Variants in TCF4 observed in about 807,000 individuals in gnomAD.
The protein encoded by TCF4 is transcription factor 4, also known as SL3-3 enhancer factor 2.
Under a neutral mutation model 82.1 loss-of-function variants are expected in TCF4, and 3 were observed. That is an observed-to-expected ratio of 0.04 (90% confidence interval 0.02 to 0.09). The LOEUF (loss-of-function observed/expected upper bound fraction) is 0.09. TCF4 is among the 10% of genes least tolerant of loss of function. The pLI is 1.00. For synonymous variants in TCF4, 276 were observed against 309.6 expected, an observed-to-expected ratio of 0.89 and a Z score of 1.14; for missense variants, 518 against 852.7, an observed-to-expected ratio of 0.61 and a Z score of 4.89.
At chr18:55,415,512 C>A (rs548381602) in intron 5 of TCF4, among the ~76,000 whole-genome samples, 2 of 152,336 alleles carry the variant, frequency 1.3e-5, no homozygotes, top group African/African-American at 4.8e-5. Flanking sequence ...AGGCACTCCC[C>A]AAACTTATTT....
At chr18:55,325,958 T>A (rs975581005) in intron 8 of TCF4, among the ~76,000 whole-genome samples, 1 of 152,190 alleles carries the variant, frequency 6.6e-6, no homozygotes, top group Non-Finnish European at 1.5e-5. Flanking sequence ...CACAGTACAG[T>A]GACACACAAT....
chr18:55,363,330 G>C (rs1454098438), intron 6 of TCF4, among the ~76,000 whole-genome samples: 1 of 152,016 alleles, frequency 6.6e-6, no homozygotes, highest in Non-Finnish European at 1.5e-5. Flanking sequence ...AGCATTTAAG[G>C]GGAAAAATTT....
At chr18:55,496,296 C>A (rs1417205558) in intron 3 of TCF4, 2 of 151,880 alleles carry the variant, frequency 1.3e-5, no homozygotes, top group Admixed American at 6.6e-5. Flanking sequence ...TGAAGCTTAT[C>A]TAAATTATAA....
rs144591561 is a variant in TCF4, at chr18:55,399,463, T to C, written c.369+3991A>G. On this transcript the variant is annotated intron_variant, in intron 6 of 19. Coordinates refer to ENST00000354452, the MANE Select transcript of TCF4 (RefSeq NM_001083962.2). ...TCACTTGCTGAAGAAGAAAAAGAAT[T>C]TGGATGAGGTTAAAGCCTTGGACTT... 6.6e-5 allele frequency among the ~76,000 whole-genome samples: 10 copies of C among 152,228 alleles called. No homozygotes were observed. The East Asian group carries it at 1.4e-3, about 21-fold the overall frequency.
At chr18:55,552,361 G>A (rs141891398) in intron 3 of TCF4, among the ~76,000 whole-genome samples, 1 of 152,264 alleles carries the variant, frequency 6.6e-6, no homozygotes, top group East Asian at 1.9e-4. Flanking sequence ...TGTATGACAT[G>A]GGAAAGATGT....
chr18:55,388,428 A>G (rs1400330942), intron 6 of TCF4, among the ~76,000 whole-genome samples: 1 of 152,250 alleles, frequency 6.6e-6, no homozygotes, highest in Non-Finnish European at 1.5e-5. Flanking sequence ...CGCTATTGCA[A>G]CTGGTACTTA....
At chr18:55,459,851 C>T (rs1484366891) in intron 5 of TCF4, among the ~76,000 whole-genome samples, 2 of 152,078 alleles carry the variant, frequency 1.3e-5, no homozygotes, top group Non-Finnish European at 2.9e-5. Context: ...TGACCAAAAC[C>T]AACTTTGTGG....
intron 15 of TCF4, among the ~76,000 whole-genome samples, chr18:55,242,081 T>A (rs1202224266): frequency 6.6e-6 from 1 of 152,154 alleles, no homozygotes; most frequent in African/African-American, 2.4e-5. Flanking sequence ...CTGGGCTAGT[T>A]TTTTCCTCCT....
intron 16 of TCF4, chr18:55,234,334 AT>A: frequency 1.5e-6 from 1 of 654,212 alleles, no homozygotes. Context: ...TAGGACCAGG[AT>A]TTCAGAGGAT....
At chr18:55,341,759 T>C (rs1170846111) in intron 8 of TCF4, among the ~76,000 whole-genome samples, 2 of 152,166 alleles carry the variant, frequency 1.3e-5, no homozygotes, top group African/African-American at 4.8e-5. Context: ...GTAAAGGTGG[T>C]GACAAGTGAG....
chr18:55,536,821 C>A (rs991236812), intron 3 of TCF4, among the ~76,000 whole-genome samples: 1 of 152,190 alleles, frequency 6.6e-6, no homozygotes, highest in Non-Finnish European at 1.5e-5. Context: ...TATGTATCTT[C>A]CATCATACTT....
chr18:55,359,242 A>G (rs1314689928), intron 6 of TCF4, among the ~76,000 whole-genome samples: 2 of 152,088 alleles, frequency 1.3e-5, no homozygotes, highest in African/African-American at 4.8e-5. Context: ...GATCTCCACA[A>G]TGGGGTCAAT....
At chr18:55,442,877 G>C (rs2095464503) in intron 5 of TCF4, among the ~76,000 whole-genome samples, 1 of 152,208 alleles carries the variant, frequency 6.6e-6, no homozygotes, top group African/African-American at 2.4e-5. Context: ...CCCTTCTGCA[G>C]CTCTAGGTTG....
chr18:55,247,662 G>A (rs1169872030), intron 15 of TCF4, among the ~76,000 whole-genome samples: 2 of 152,180 alleles, frequency 1.3e-5, no homozygotes, highest in African/African-American at 2.4e-5. Context: ...GGAGAAAAAG[G>A]CATCCTTGCT....
At chr18:55,271,522 T>C (rs1346496586) in intron 10 of TCF4, among the ~76,000 whole-genome samples, 1 of 152,174 alleles carries the variant, frequency 6.6e-6, no homozygotes, top group African/African-American at 2.4e-5. Flanking sequence ...ATGAATGTTT[T>C]TGAAAATATT....
chr18:55,251,713 G>A (rs975158224), intron 15 of TCF4, among the ~76,000 whole-genome samples: 1 of 152,142 alleles, frequency 6.6e-6, no homozygotes, highest in East Asian at 1.9e-4. Context: ...ACTGCAACTC[G>A]CTTCCGCCCA....
In TCF4 at chr18:55,369,989, C is replaced by T. The variant is rs1603395212; in HGVS notation, c.370-18986G>A. 3.3e-5 allele frequency among the ~76,000 whole-genome samples: 5 copies of T among 152,208 alleles called. No individual in the cohort carries two copies. In the South Asian group the frequency reaches 1.0e-3, roughly 32 times the overall value. On this transcript the variant is annotated intron_variant, in intron 6 of 19. Transcript: ENST00000354452. ...AGGGAAGCTGCCACTGCCTCCAACA[C>T]TAGTCTCAGGTACCAGCCTGGCCAT...
chr18:55,350,254 G>A (rs1025627233), intron 8 of TCF4, 105 bp downstream of exon 8: 7 of 1,198,290 alleles, frequency 5.8e-6, no homozygotes, highest in South Asian at 1.3e-5. Context: ...CTAGATAAAC[G>A]TGCTGCTCTG....
intron 5 of TCF4, among the ~76,000 whole-genome samples, chr18:55,458,176 A>T (rs2095803479): frequency 6.6e-6 from 1 of 152,202 alleles, no homozygotes; most frequent in African/African-American, 2.4e-5. Flanking sequence ...GATTGATTTG[A>T]CAATAGAGAA....
Sources: allele counts gnomAD v4.1 joint callset (sites outside exome capture counted in the v4.1 genomes callset), GRCh38; gene constraint gnomAD v4.1.1; transcripts MANE v1.5; gene names NCBI Gene and HGNC (gene_info 2026-07-23, HGNC 2026-07-21).